Variants in ZHX3 observed in about 807,000 individuals in gnomAD.
The protein encoded by ZHX3 is zinc fingers and homeoboxes protein 3.
In ZHX3, 20 loss-of-function variants were observed where a neutral mutation model predicts 64.5. That is an observed-to-expected ratio of 0.31 (90% CI 0.22 to 0.45). The LOEUF is 0.45. Ranked by LOEUF, ZHX3 falls within the 20% of genes least tolerant of loss-of-function variation. ZHX3 has a pLI of 1.00. For missense variants in ZHX3, 1,041 were observed against 1,195.8 expected (o/e 0.87, Z 1.91); for synonymous variants, 423 against 461.6 (o/e 0.92, Z 1.07).
At chr20:41,197,090 A>G in intron 3 of ZHX3, 1 of 217,880 alleles carries the variant, frequency 4.6e-6, no homozygotes, top group Non-Finnish European at 9.6e-6. Flanking sequence ...GATGGAGAGA[A>G]GAAGGCGTAT....
In ZHX3 at chr20:41,212,386, T is replaced by C. The variant is rs1177054248; in HGVS notation, c.-150-7320A>G. On this transcript the variant is annotated intron_variant, in intron 2 of 3. Transcript: ENST00000683867. This position sits in a 1 kb window ranked among gnomAD's most constrained non-coding sequence, Gnocchi z 4.3. Reference sequence around the variant, plus strand: ...TAATTACAGCGACAGATAACAAGTATAGATGAGGATGCAGAGAAACTGGAG... The same window carrying C: ...TAATTACAGCGACAGATAACAAGTACAGATGAGGATGCAGAGAAACTGGAG... Among the ~76,000 whole-genome samples, 3 of 152,136 alleles carry C rather than the reference T, an allele frequency of 2.0e-5. No individual in the cohort carries two copies. Among genetic ancestry groups the C allele is most frequent in the African/African-American group, 7.2e-5 (3 of 41,502 alleles).
At chr20:41,267,311 C>T (rs747591099) in intron 2 of ZHX3, among the ~76,000 whole-genome samples, 33 of 152,292 alleles carry the variant, frequency 2.2e-4, no homozygotes, top group Middle Eastern at 3.4e-3. Flanking sequence ...TTTTAAGCCC[C>T]GCTGTTTAGC....
At chr20:41,266,921 T>C (rs1383886678) in intron 2 of ZHX3, among the ~76,000 whole-genome samples, 2 of 140,182 alleles carry the variant, frequency 1.4e-5, no homozygotes, top group Non-Finnish European at 3.0e-5. Flanking sequence ...CTCGGCTCAC[T>C]GCAACCTCCG....
chr20:41,199,644 T>A (rs1457234916), intron 3 of ZHX3, among the ~76,000 whole-genome samples: 1 of 151,772 alleles, frequency 6.6e-6, no homozygotes, highest in Admixed American at 6.6e-5. Context: ...GAGACAATGA[T>A]CAGCCTCTGC....
chr20:41,207,563 TGG>T (rs1234018061), intron 2 of ZHX3, among the ~76,000 whole-genome samples: 1 of 152,202 alleles, frequency 6.6e-6, no homozygotes, highest in Non-Finnish European at 1.5e-5. Flanking sequence ...CTCAACTACA[TGG>T]AAACTGAACA....
intron 3 of ZHX3, among the ~76,000 whole-genome samples, chr20:41,186,849 T>C (rs769153368): frequency 3.3e-5 from 5 of 152,238 alleles, no homozygotes; most frequent in Non-Finnish European, 7.3e-5. Flanking sequence ...TTTTAGGAGT[T>C]CTATACATAT....
rs181225844 is a variant in ZHX3 at position 41,200,099 on chromosome 20, C to T, written c.2860+1958G>A. ...CCACAGTTGCCTGCTGCAGAGCTTG[C>T]GGATGCTGAAACAAAAAAAAACCAT... On this transcript the variant is annotated intron_variant, in intron 3 of 3. Transcript: ENST00000683867. The surrounding 1 kb of genome is among the most constrained non-coding windows in gnomAD (Gnocchi z 4.2). 3.7e-5 allele frequency among the ~76,000 whole-genome samples: 5 copies of T among 134,318 alleles called. No homozygotes were observed. Among genetic ancestry groups the T allele is most frequent in the Non-Finnish European group, 6.1e-5 (4 of 65,254 alleles). The allele number at this position is 134,318 out of a possible 152,430, so 88.1% of individuals were successfully genotyped here.
intron 2 of ZHX3, among the ~76,000 whole-genome samples, chr20:41,268,413 G>C (rs536727885): frequency 1.3e-5 from 2 of 152,150 alleles, no homozygotes; most frequent in African/African-American, 4.8e-5. Context: ...ATTAAAAAAA[G>C]TTTTCCCAAT....
rs1175288494 is a variant in ZHX3 at position 41,232,331 on chromosome 20, T to C, written c.-150-27265A>G. ...GTCTAGTTTTAAACAAAGAACTCAA[T>C]GGTTAAGAACTAGTATACAGCAAAG... On this transcript the variant is annotated intron_variant, in intron 2 of 3. Coordinates refer to ENST00000683867, the MANE Select transcript of ZHX3 (RefSeq NM_001384317.1). This position sits in a 1 kb window ranked among gnomAD's most constrained non-coding sequence, Gnocchi z 5.0. Among the ~76,000 whole-genome samples, 1 of 151,062 alleles carries C rather than the reference T, an allele frequency of 6.6e-6. No individual in the cohort carries two copies. Among genetic ancestry groups the C allele is most frequent in the East Asian group, 1.9e-4 (1 of 5,170 alleles).
At chr20:41,196,366 A>ATATCTAAT (rs2146178217) in intron 3 of ZHX3, among the ~76,000 whole-genome samples, 1 of 89,382 alleles carries the variant, frequency 1.1e-5, no homozygotes, top group African/African-American at 4.9e-5. Context: ...TTATAAATAT[A>ATATCTAAT]TATATTTATA....
rs1395543060 is a variant in ZHX3, at chr20:41,232,433, T to C, written c.-150-27367A>G. ...GGGAAAGCAGCAAGTGGGTAGGGTG[T>C]GTTCAGGTCTTCAACAGTCCTTTGT... is the stretch of plus-strand genomic sequence containing the variant. On this transcript the variant is annotated intron_variant, in intron 2 of 3. Coordinates refer to ENST00000683867, the MANE Select transcript of ZHX3 (RefSeq NM_001384317.1). This position sits in a 1 kb window ranked among gnomAD's most constrained non-coding sequence, Gnocchi z 5.0. Among the ~76,000 whole-genome samples the C allele has an allele frequency of 2.6e-5, 4 of 152,292 alleles. No individual in the cohort carries two copies. The highest frequency in any genetic ancestry group is 9.6e-5 in the African/African-American group (4 of 41,556).
chr20:41,204,114 A>G lies in ZHX3; in HGVS notation c.803T>C (p.Ile268Thr), dbSNP rs971608597. Reference protein sequence around the residue: ...IGTVPVLPAGIAQFLSLQQQP... With the variant: ...IGTVPVLPAGTAQFLSLQQQP... ...CTGCTGGAGGGAGAGGAACTGTGCT[A>G]TGCCAGCTGGCAAAACTGGCACTGT... The change falls in exon 3 of 4, where the codon ATA (isoleucine) becomes ACA (threonine). Residue 268 changes from isoleucine (I) to threonine (T), a missense_variant. Transcript: ENST00000683867. The surrounding 1 kb of genome is among the most constrained non-coding windows in gnomAD (Gnocchi z 6.6). The G allele has an allele frequency of 3.1e-6, 5 of 1,605,778 alleles. No homozygotes were observed. The African/African-American group carries it at 5.3e-5, about 17-fold the overall frequency.
chr20:41,257,612 CTTTTTTTTT>C (rs1223401714), intron 2 of ZHX3, among the ~76,000 whole-genome samples: 2 of 137,836 alleles, frequency 1.5e-5, no homozygotes, highest in Non-Finnish European at 3.2e-5. Flanking sequence ...TCTTTTCTTT[CTTTTTTTTT>C]TTTTTTTTGA....
At chr20:41,301,402 T>C (rs561976792) in intron 1 of ZHX3, among the ~76,000 whole-genome samples, 2 of 152,324 alleles carry the variant, frequency 1.3e-5, no homozygotes, top group African/African-American at 4.8e-5. Flanking sequence ...TGCCTTGCTA[T>C]GCCCTGTAAG....
At chr20:41,312,166 T>C (rs2045157538) in intron 1 of ZHX3, among the ~76,000 whole-genome samples, 1 of 151,918 alleles carries the variant, frequency 6.6e-6, no homozygotes, top group Admixed American at 6.6e-5. Context: ...GTAGCCAGGA[T>C]TGTAAAACGC....
In ZHX3 at chr20:41,203,622, ATCAATGGC is replaced by A. The variant is rs749305301; in HGVS notation, c.1287_1294del (p.Gln429HisfsTer29). Reference sequence around the variant, plus strand: ...ACTTGTTGCTTGCAACCCATTGGCCATCAATGGCTGAGTGACCAGAAGTCCCCCTCCTG... The same window carrying A: ...ACTTGTTGCTTGCAACCCATTGGCCATGAGTGACCAGAAGTCCCCCTCCTG... On this transcript the variant is annotated frameshift_variant, in exon 3 of 4. Coordinates refer to ENST00000683867, the MANE Select transcript of ZHX3 (RefSeq NM_001384317.1). LOFTEE classifies it high-confidence loss of function. This position sits in a 1 kb window ranked among gnomAD's most constrained non-coding sequence, Gnocchi z 7.1. The A allele has an allele frequency of 6.2e-7, 1 of 1,614,212 alleles. No individual in the cohort carries two copies. The highest frequency in any genetic ancestry group is 1.1e-5 in the South Asian group (1 of 91,082).
intron 2 of ZHX3, among the ~76,000 whole-genome samples, chr20:41,268,741 C>T (rs140885149): frequency 6.6e-6 from 1 of 152,134 alleles, no homozygotes; most frequent in African/African-American, 2.4e-5. Flanking sequence ...TAACAGATTC[C>T]TATCAGATGA....
Position 41,224,274 on chromosome 20 carries a change from T to A in ZHX3, c.-150-19208A>T, listed in dbSNP as rs1346570718. Among the ~76,000 whole-genome samples the A allele has an allele frequency of 6.6e-6, 1 of 152,218 alleles. No homozygotes were observed. The highest frequency in any genetic ancestry group is 2.4e-5 in the African/African-American group (1 of 41,456). ...TTAGTTGGACCTGGTTCCCAGCTTT[T>A]AGATTTGTCTTTTGGACATAAATCA... On this transcript the variant is annotated intron_variant, in intron 2 of 3. Coordinates refer to ENST00000683867, the MANE Select transcript of ZHX3 (RefSeq NM_001384317.1). This position sits in a 1 kb window ranked among gnomAD's most constrained non-coding sequence, Gnocchi z 5.2.
chr20:41,257,958 T>G (rs1600531422), intron 2 of ZHX3, among the ~76,000 whole-genome samples: 1 of 125,278 alleles, frequency 8.0e-6, no homozygotes, highest in Non-Finnish European at 1.6e-5. Context: ...CAGGCTGGGG[T>G]ACAGTGGCAC....
Sources: gnomAD v4.1 joint callset for allele counts (sites outside exome capture counted in the v4.1 genomes callset) on GRCh38, gnomAD v4.1.1 for gene constraint, Gnocchi (gnomAD v3.1) non-coding constraint, MANE v1.5 for transcripts, NCBI Gene and HGNC (gene_info 2026-07-23, HGNC 2026-07-21) for gene names.